CHST11: variants seen among roughly 807,000 people sequenced by gnomAD.
CHST11 encodes the protein C4S-1.
In CHST11, 9 loss-of-function variants were observed where a neutral mutation model predicts 30.4. The observed-to-expected ratio is 0.30, with a 90% CI of 0.18 to 0.52. CHST11 has a LOEUF of 0.52. Ranked by LOEUF, CHST11 falls within the 20% of genes least tolerant of loss-of-function variation. The pLI is 0.97. For missense variants in CHST11, 348 were observed against 460.6 expected, an observed-to-expected ratio of 0.76 and a Z score of 2.24; for synonymous variants, 152 against 187.8, an observed-to-expected ratio of 0.81 and a Z score of 1.56.
intron 1 of CHST11, among the ~76,000 whole-genome samples, chr12:104,544,178 G>A (rs1592754812): frequency 1.4e-5 from 2 of 143,714 alleles, no homozygotes; most frequent in Non-Finnish European, 1.5e-5. Context: ...AAGAAAGAAA[G>A]AAAGACCTGA....
chr12:104,667,663 G>C (rs940844602), intron 2 of CHST11, among the ~76,000 whole-genome samples: 1 of 152,138 alleles, frequency 6.6e-6, no homozygotes, highest in Admixed American at 6.5e-5. Flanking sequence ...ATGACCTTAG[G>C]GGAGCTATGA....
chr12:104,639,109 C>T (rs138275617), intron 2 of CHST11, among the ~76,000 whole-genome samples: 2 of 152,284 alleles, frequency 1.3e-5, no homozygotes, highest in South Asian at 4.1e-4. Flanking sequence ...TTGTTAGAAA[C>T]GTATGCCATC....
chr12:104,464,385 A>G (rs2037438628), intron 1 of CHST11, among the ~76,000 whole-genome samples: 1 of 152,170 alleles, frequency 6.6e-6, no homozygotes, highest in East Asian at 1.9e-4. Flanking sequence ...ATTTGTGCTC[A>G]TCTTTGGGCA....
intron 1 of CHST11, among the ~76,000 whole-genome samples, chr12:104,503,388 TC>T (rs1359854811): frequency 6.6e-6 from 1 of 152,222 alleles, no homozygotes; most frequent in Admixed American, 6.5e-5. Context: ...ACCCCACACT[TC>T]CTGGCTATGT....
intron 2 of CHST11, among the ~76,000 whole-genome samples, chr12:104,748,112 A>G (rs1259666506): frequency 2.0e-5 from 3 of 152,168 alleles, no homozygotes; most frequent in African/African-American, 2.4e-5. Flanking sequence ...CTCTGACCTA[A>G]TTTATACTTT....
In CHST11 at chr12:104,683,128, G is replaced by C. The variant is rs1238855871; in HGVS notation, c.205-73821G>C. Among the ~76,000 whole-genome samples the C allele has an allele frequency of 2.0e-5, 3 of 152,186 alleles. 1 individual carries two copies. The East Asian group carries it at 5.8e-4, about 29-fold the overall frequency. ...CGGGGTCTTGAGCAGGAGGTGGAAT[G>C]GAGTATGATTGGGCAGGGGGAGAAT... On this transcript the variant is annotated intron_variant, in intron 2 of 2. Transcript: ENST00000303694.
intron 1 of CHST11, among the ~76,000 whole-genome samples, chr12:104,546,077 G>T (rs531811651): frequency 6.6e-6 from 1 of 152,106 alleles, no homozygotes; most frequent in Non-Finnish European, 1.5e-5. Context: ...TTCGACACAC[G>T]CATTCAGTCC....
chr12:104,697,946 A>G (rs2039961139), intron 2 of CHST11, among the ~76,000 whole-genome samples: 1 of 152,200 alleles, frequency 6.6e-6, no homozygotes, highest in African/African-American at 2.4e-5. Flanking sequence ...TACCTGGGTC[A>G]TTTAAGAATA....
At chr12:104,528,600 A>G (rs566118775) in intron 1 of CHST11, among the ~76,000 whole-genome samples, 3 of 152,272 alleles carry the variant, frequency 2.0e-5, no homozygotes, top group African/African-American at 7.2e-5. Flanking sequence ...TTAGATATGG[A>G]AAAAGAGACC....
At chr12:104,543,205 A>G (rs927630403) in intron 1 of CHST11, among the ~76,000 whole-genome samples, 1 of 152,186 alleles carries the variant, frequency 6.6e-6, no homozygotes, top group Non-Finnish European at 1.5e-5. Flanking sequence ...TTAAACAACC[A>G]GATCCCATGT....
intron 1 of CHST11, among the ~76,000 whole-genome samples, chr12:104,500,897 A>G (rs1169776781): frequency 6.6e-6 from 1 of 152,140 alleles, no homozygotes; most frequent in East Asian, 1.9e-4. Context: ...ACTGGGAGGA[A>G]GTTCCCTAGG....
intron 2 of CHST11, among the ~76,000 whole-genome samples, chr12:104,695,274 G>A (rs944316116): frequency 1.3e-5 from 2 of 152,168 alleles, no homozygotes; most frequent in Non-Finnish European, 2.9e-5. Flanking sequence ...TGTGGGGAGG[G>A]CCTCAGCTCA....
At chr12:104,567,946 G>A (rs1040001674) in intron 1 of CHST11, among the ~76,000 whole-genome samples, 29 of 152,088 alleles carry the variant, frequency 1.9e-4, no homozygotes, top group African/African-American at 6.5e-4. Context: ...CTTTGATCTT[G>A]GACTTCCCAG....
intron 1 of CHST11, among the ~76,000 whole-genome samples, chr12:104,527,912 A>G (rs2038144349): frequency 6.6e-6 from 1 of 152,206 alleles, no homozygotes; most frequent in Admixed American, 6.5e-5. Flanking sequence ...AGGAAGTACC[A>G]CACTTTACAA....
intron 2 of CHST11, among the ~76,000 whole-genome samples, chr12:104,633,584 T>C (rs566341465): frequency 1.2e-4 from 19 of 152,028 alleles, no homozygotes; most frequent in Admixed American, 9.2e-4. Context: ...TCGGCTCATT[T>C]TTTTGTATTT....
At position 104,602,921 on chromosome 12, in the gene CHST11, A is replaced by G. The variant is rs555253383; in HGVS notation, c.204+930A>G. Among the ~76,000 whole-genome samples the G allele has an allele frequency of 2.0e-5, 3 of 152,184 alleles. No individual in the cohort carries two copies. In the East Asian group the frequency reaches 5.8e-4, roughly 29 times the overall value. On this transcript the variant is annotated intron_variant, in intron 2 of 2. Coordinates refer to ENST00000303694, the MANE Select transcript of CHST11 (RefSeq NM_018413.6). ...AAGGGATGCACTTGAGAACTATCTG[A>G]TGCCCCCTACCCCCCTTCCCAATCT...
chr12:104,576,133 A>G (rs2038681756), intron 1 of CHST11, among the ~76,000 whole-genome samples: 1 of 152,038 alleles, frequency 6.6e-6, no homozygotes, highest in Admixed American at 6.5e-5. Flanking sequence ...GTTCACGTTA[A>G]GTATTCACTG....
At chr12:104,735,976 G>A (rs913152499) in intron 2 of CHST11, among the ~76,000 whole-genome samples, 1 of 152,160 alleles carries the variant, frequency 6.6e-6, no homozygotes, top group African/African-American at 2.4e-5. Flanking sequence ...TTGCCAGGAT[G>A]CGGGGTTGTG....
intron 1 of CHST11, among the ~76,000 whole-genome samples, chr12:104,460,093 T>A (rs146325416): frequency 0.014 from 2,191 of 152,346 alleles, 22 homozygotes; most frequent in Non-Finnish European, 0.023. Context: ...TTTCACTGGT[T>A]TGAATTTCTT....
Sources: gnomAD v4.1 joint callset for allele counts (sites outside exome capture counted in the v4.1 genomes callset) on GRCh38, gnomAD v4.1.1 for gene constraint, MANE v1.5 for transcripts, NCBI Gene and HGNC (gene_info 2026-07-23, HGNC 2026-07-21) for gene names.